OLR1: variants seen among roughly 807,000 people sequenced by gnomAD.
OLR1 encodes oxidized low density lipoprotein receptor 1.
Under a neutral mutation model 31.7 loss-of-function variants are expected in OLR1, and 23 were observed. That is an observed-to-expected ratio of 0.72 (90% CI 0.52 to 1.03). OLR1 has a LOEUF of 1.03. OLR1 is among the 50% of genes least tolerant of loss of function. The probability of loss-of-function intolerance (pLI) is 0.00; values close to 1 mark genes in which losing one functional copy is unlikely to be tolerated. For missense variants in OLR1, 286 were observed against 315.7 expected (o/e 0.91, Z 0.71); for synonymous variants, 117 against 115.8 (o/e 1.01, Z -0.07).
intron 3 of OLR1, among the ~76,000 whole-genome samples, chr12:10,162,385 T>C (rs1047449307): frequency 2.6e-5 from 4 of 152,068 alleles, no homozygotes; most frequent in African/African-American, 9.7e-5. Flanking sequence ...CAGAAAAAAG[T>C]GAATGAGAAA....
Position 10,160,376 on chromosome 12 carries a change from C to T in OLR1, c.651G>A (p.Trp217Ter). 6.2e-7 allele frequency: 1 copy of T among 1,613,756 alleles called. No individual in the cohort carries two copies. The highest frequency in any genetic ancestry group is 1.7e-5 in the Admixed American group (1 of 59,946). The change falls in exon 5 of 6, where the codon TGG (tryptophan) becomes TGA (stop). Residue 217 changes from tryptophan (W) to a stop codon, truncating the protein, a stop_gained. Transcript: ENST00000309539. LOFTEE classifies it low-confidence loss of function (END_TRUNC). ...GGGGCATCAAAGGAGAACCGTCCTC[C>T]CAGAGCCATGGGTAGCTGGGGTTCC... ...SRRNPSYPWL[W>*]EDGSPLMPHL... is the part of the protein sequence containing the mutation.
intron 3 of OLR1, among the ~76,000 whole-genome samples, chr12:10,165,331 G>C (rs1024276988): frequency 1.3e-5 from 2 of 151,148 alleles, no homozygotes; most frequent in Non-Finnish European, 2.9e-5. Context: ...TTGGGAGTCT[G>C]AGACATGAGA....
rs1021690240 is a variant in OLR1 at position 10,160,941 on chromosome 12, T to C, written c.425-16A>G. 1 of 1,610,894 alleles carries C rather than the reference T, an allele frequency of 6.2e-7. No homozygotes were observed. The highest frequency in any genetic ancestry group is 1.3e-5 in the African/African-American group (1 of 75,016). ...GGACAAGGAGCTGGGAAGGATAGTA[T>C]ATCTCATCAGTCAGTTATGTTTGTG... On this transcript the variant is annotated splice_polypyrimidine_tract_variant and intron_variant, in intron 3 of 5. Transcript: ENST00000309539.
intron 3 of OLR1, among the ~76,000 whole-genome samples, chr12:10,164,318 A>G (rs1948643900): frequency 1.3e-5 from 2 of 152,244 alleles, no homozygotes; most frequent in Non-Finnish European, 2.9e-5. Context: ...AAAGAGATTA[A>G]AAATGTTTGA....
At chr12:10,173,645 G>C (rs185351009), upstream of OLR1, among the ~76,000 whole-genome samples, 203 of 151,694 alleles carry the variant, frequency 1.3e-3, 1 homozygote, top group Non-Finnish European at 5.4e-4. Context: ...AGCTGGGCCT[G>C]GTTGCAAGCC....
At chr12:10,173,045 T>G (rs1478976615), upstream of OLR1, among the ~76,000 whole-genome samples, 1 of 152,204 alleles carries the variant, frequency 6.6e-6, no homozygotes, top group Non-Finnish European at 1.5e-5. Flanking sequence ...ATAATAATTA[T>G]TAGTATAGTA....
In OLR1 at chr12:10,158,315, T is replaced by A. The variant is rs1193070257; in HGVS notation, c.*1565A>T. 6.6e-6 allele frequency: 1 copy of A among 152,226 alleles called. No homozygotes were observed. Among genetic ancestry groups the A allele is most frequent in the African/African-American group, 2.4e-5 (1 of 41,458 alleles). 9.4% of individuals were successfully genotyped at this position (152,226 alleles called of 1,614,324 possible). ...TTCATACAGACTTGTACACAAATGT[T>A]CACAGCAGCTTTATTTGTAATATCC... On this transcript the variant is annotated 3_prime_UTR_variant, in exon 6 of 6. Coordinates refer to ENST00000309539, the MANE Select transcript of OLR1 (RefSeq NM_002543.4).
At chr12:10,169,033 C>T in intron 2 of OLR1, 41 bp downstream of exon 2, 1 of 1,398,958 alleles carries the variant, frequency 7.1e-7, no homozygotes. Context: ...TTTCCAACAC[C>T]CCTGCCCCAA....
intron 3 of OLR1, among the ~76,000 whole-genome samples, chr12:10,162,700 C>T (rs542157715): frequency 3.9e-5 from 6 of 151,988 alleles, no homozygotes; most frequent in Admixed American, 6.6e-5. Flanking sequence ...TGGTGGTGTG[C>T]GCCTGTAGTC....
At chr12:10,166,028 T>C (rs1052167428) in intron 3 of OLR1, among the ~76,000 whole-genome samples, 1 of 151,718 alleles carries the variant, frequency 6.6e-6, no homozygotes, top group Non-Finnish European at 1.5e-5. Context: ...CTGTTCAATA[T>C]GGCAAAACCC....
chr12:10,166,575 C>A, intron 3 of OLR1, 137 bp downstream of exon 3: 1 of 842,232 alleles, frequency 1.2e-6, no homozygotes, highest in Non-Finnish European at 1.9e-6. Context: ...TTGAGAACTT[C>A]TTGTATAGAA....
At position 10,166,877 on chromosome 12, in the gene OLR1, C is replaced by T. The variant is rs1272965420; in HGVS notation, c.259G>A (p.Ala87Thr). The change falls in exon 3 of 6, where the codon GCC (alanine) becomes ACC (threonine). Residue 87 changes from alanine to threonine, a missense_variant. Ala to Thr is a moderately conservative substitution (Grantham distance 58). Coordinates refer to ENST00000309539, the MANE Select transcript of OLR1 (RefSeq NM_002543.4). ...GAAGCTTCTTCTGCTTGTTGCCGGG[C>T]TGAGATCTGTCCCTCCAGTTTCTTT... ...QKKKLEGQIS[A>T]RQQAEEASQE... 4 of 1,613,614 alleles carry T rather than the reference C, an allele frequency of 2.5e-6. No homozygotes were observed. The Admixed American group carries it at 5.0e-5, about 20-fold the overall frequency.
At position 10,160,453 on chromosome 12, in the gene OLR1, G is replaced by T. The variant is rs1433551142; in HGVS notation, c.574C>A (p.Gln192Lys). 2 of 1,611,926 alleles carry T rather than the reference G, an allele frequency of 1.2e-6. No homozygotes were observed. Among genetic ancestry groups the T allele is most frequent in the East Asian group, 2.2e-5 (1 of 44,872 alleles). ...AAACTGGAATAGGAAATTGCTTGCTGGATGAAGTCCTGTGGGGAGTAATGT... is the reference window on the plus strand; with the variant it reads ...AAACTGGAATAGGAAATTGCTTGCTTGATGAAGTCCTGTGGGGAGTAATGT... ...INSTADLDFI[Q>K]QAISYSSFPF... The change falls in exon 5 of 6, where the codon CAG (glutamine) becomes AAG (lysine). Residue 192 changes from glutamine to lysine, a missense_variant. Coordinates refer to ENST00000309539, the MANE Select transcript of OLR1 (RefSeq NM_002543.4).
chr12:10,175,767 C>T (rs1418416650), upstream of OLR1, among the ~76,000 whole-genome samples: 1 of 152,210 alleles, frequency 6.6e-6, no homozygotes, highest in Non-Finnish European at 1.5e-5. Flanking sequence ...GAAATCAGGG[C>T]TGTGGCCCTA....
intron 2 of OLR1, 140 bp from the exon 3 acceptor site, chr12:10,167,097 G>C: frequency 1.3e-6 from 1 of 768,350 alleles, no homozygotes; most frequent in Non-Finnish European, 2.1e-6. Flanking sequence ...TTACTCAGAA[G>C]TTACAGATTT....
rs935106849 is a variant in OLR1, at chr12:10,160,074, C to T, written c.681-53G>A. The T allele has an allele frequency of 6.6e-5, 102 of 1,546,674 alleles. No homozygotes were observed. In the African/African-American group the frequency reaches 1.0e-3, roughly 16 times the overall value. On this transcript the variant is annotated intron_variant, in intron 5 of 5. Coordinates refer to ENST00000309539, the MANE Select transcript of OLR1 (RefSeq NM_002543.4). ...CAACAAAAAAACTTAGGTTTACTGC[C>T]ACCTTGTTTCAGAAACTTAGCTTTT...
At chr12:10,168,196 T>G (rs1948678158) in intron 2 of OLR1, among the ~76,000 whole-genome samples, 1 of 152,242 alleles carries the variant, frequency 6.6e-6, no homozygotes, top group Non-Finnish European at 1.5e-5. Context: ...TCTTTCCTTC[T>G]TGGCCACTCT....
chr12:10,167,143 A>G (rs1948669775), intron 2 of OLR1, 186 bp from the exon 3 acceptor site: 1 of 596,076 alleles, frequency 1.7e-6, no homozygotes, highest in Admixed American at 3.2e-5. Context: ...ATTTTGTTTA[A>G]TGTCAGGAAC....
At chr12:10,161,945 A>ATAT (rs1555087097) in intron 3 of OLR1, among the ~76,000 whole-genome samples, 1 of 79,550 alleles carries the variant, frequency 1.3e-5, no homozygotes, top group South Asian at 2.9e-4. Context: ...ATATATATAT[A>ATAT]AAAAACACAT....
Sources: gnomAD v4.1 joint callset for allele counts (sites outside exome capture counted in the v4.1 genomes callset) on GRCh38, gnomAD v4.1.1 for gene constraint, MANE v1.5 for transcripts, NCBI Gene and HGNC (gene_info 2026-07-23, HGNC 2026-07-21) for gene names.